Variants in CCDC125 observed in about 807,000 individuals in gnomAD.
CCDC125 encodes coiled-coil domain containing 125, also known as coiled-coil domain-containing protein 125.
CCDC125 carries 43 observed loss-of-function variants against 57.4 expected under a neutral mutation model. The observed-to-expected ratio is 0.75, with a 90% CI of 0.59 to 0.97. The LOEUF (loss-of-function observed/expected upper bound fraction) is 0.97, where lower values mean the gene tolerates loss of function less well. Ranked by LOEUF, CCDC125 falls within the 50% of genes least tolerant of loss-of-function variation. The pLI is 0.00. For synonymous variants in CCDC125, 187 were observed against 195.2 expected (o/e 0.96, Z 0.35); for missense variants, 563 against 595.7 (o/e 0.95, Z 0.57).
intron 10 of CCDC125, among the ~76,000 whole-genome samples, chr5:69,289,262 A>G (rs868412024): frequency 6.6e-6 from 1 of 152,232 alleles, no homozygotes; most frequent in African/African-American, 2.4e-5. Flanking sequence ...TCTGCCTTCA[A>G]TTAGCACAAA....
chr5:69,285,007 G>T (rs1197574075), intron 11 of CCDC125, among the ~76,000 whole-genome samples: 2 of 152,148 alleles, frequency 1.3e-5, no homozygotes, highest in South Asian at 2.1e-4. Context: ...TGAGGCAGGA[G>T]AATTGCTTGA....
rs139850727 is a variant in CCDC125, at chr5:69,282,820, C to T, written c.1445G>A (p.Gly482Asp). 7.4e-6 allele frequency: 12 copies of T among 1,613,800 alleles called. No individual in the cohort carries two copies. Among genetic ancestry groups the T allele is most frequent in the African/African-American group, 1.3e-5 (1 of 74,900 alleles). The change falls in exon 12 of 12, where the codon GGC (glycine) becomes GAC (aspartate). Residue 482 changes from glycine to aspartate, a missense_variant. Transcript: ENST00000396496. ...HSSVCILNSV[G>D]CICSIQHSQI... ...AGAGTGCTGGATTGAACAAATGCAG[C>T]CCACAGAATTTAAAATGCAGACACT...
chr5:69,306,680 T>C (rs1330008492), intron 6 of CCDC125, 137 bp downstream of exon 6: 10 of 1,011,224 alleles, frequency 9.9e-6, no homozygotes, highest in Non-Finnish European at 1.3e-5. Flanking sequence ...CTAACAAAAA[T>C]ATGCGACTAG....
intron 1 of CCDC125, among the ~76,000 whole-genome samples, chr5:69,321,458 T>C (rs1760009461): frequency 6.6e-6 from 1 of 152,218 alleles, no homozygotes; most frequent in Admixed American, 6.5e-5. Context: ...AGAGCATACA[T>C]ACACAAACCT....
At chr5:69,292,826 AT>A (rs947920997) in intron 9 of CCDC125, among the ~76,000 whole-genome samples, 3 of 147,286 alleles carry the variant, frequency 2.0e-5, no homozygotes, top group Non-Finnish European at 3.0e-5. Context: ...CTTTTCTTCT[AT>A]TTTTTTCTTC....
intron 11 of CCDC125, 140 bp downstream of exon 11, chr5:69,285,197 A>T: frequency 1.6e-6 from 1 of 609,136 alleles, no homozygotes; most frequent in Non-Finnish European, 2.7e-6. Context: ...TATCAAAAAG[A>T]TCTCATAATG....
chr5:69,287,263 A>AT (rs11331460), intron 10 of CCDC125, among the ~76,000 whole-genome samples: 71,869 of 140,980 alleles, frequency 0.51, 18,790 homozygotes, highest in Non-Finnish European at 0.58. Context: ...AGATTAATCA[A>AT]TTTTTTTTTT....
chr5:69,315,461 A>C lies in CCDC125; in HGVS notation c.305-1415T>G, dbSNP rs926411267. 4.9e-3 allele frequency among the ~76,000 whole-genome samples: 44 copies of C among 9,010 alleles called. 1 individual carries two copies. The highest frequency in any genetic ancestry group is 8.2e-3 in the African/African-American group (44 of 5,382). 5.9% of individuals were successfully genotyped at this position (9,010 alleles called of 152,430 possible). The stretch of plus-strand genomic sequence containing the variant: ...TCAAAAAAAAAAAACAAAAAAAAAA[A>C]CAAAAAAAAAAAAGGCCAGGTGTGG... On this transcript the variant is annotated intron_variant, in intron 2 of 11. Transcript: ENST00000396496.
Position 69,300,026 on chromosome 5 carries a change from C to T in CCDC125, c.802G>A (p.Ala268Thr), listed in dbSNP as rs1044180444. The T allele has an allele frequency of 6.2e-7, 1 of 1,613,808 alleles. No individual in the cohort carries two copies. The highest frequency in any genetic ancestry group is 8.5e-7 in the Non-Finnish European group (1 of 1,179,678). Residue 268 changes from alanine (A) to threonine (T), a missense_variant, in exon 8 of 12, where the codon GCT becomes ACT. By Grantham distance (58) the Ala-to-Thr change is moderately conservative (BLOSUM62 0). Coordinates refer to ENST00000396496, the MANE Select transcript of CCDC125 (RefSeq NM_176816.5). ...MCCDKSGFAE[A>T]SGLELAVLGA... The stretch of plus-strand genomic sequence containing the variant: ...TGCTTACCTACCTCAAGACCTGAAG[C>T]CTCTGCAAAGCCACTTTTATCACAG...
At chr5:69,325,890 T>A (rs1760680709) in intron 1 of CCDC125, among the ~76,000 whole-genome samples, 1 of 148,406 alleles carries the variant, frequency 6.7e-6, no homozygotes, top group Non-Finnish European at 1.5e-5. Context: ...TTGCTTAGGC[T>A]GAAGTGCAGT....
chr5:69,314,006 T>C lies in CCDC125; in HGVS notation c.345A>G (p.Gln115=), dbSNP rs762994112. The change falls in exon 3 of 12, where the codon CAA becomes CAG. Residue 115 remains glutamine, a synonymous_variant. Coordinates refer to ENST00000396496, the MANE Select transcript of CCDC125 (RefSeq NM_176816.5). ...CTACCTCTAAAGTTTCATTAAGACA[T>C]TGCCTTAATTCTTCATTTGACAATT... ...NSELSNEELR[Q]CLNETLEEVE... 13 of 1,609,886 alleles carry C rather than the reference T, an allele frequency of 8.1e-6. No individual in the cohort carries two copies. Among genetic ancestry groups the C allele is most frequent in the African/African-American group, 2.7e-5 (2 of 74,834 alleles).
intron 1 of CCDC125, chr5:69,323,732 T>A (rs1264419530): frequency 1.3e-5 from 2 of 152,164 alleles, no homozygotes; most frequent in Admixed American, 1.3e-4. Flanking sequence ...AAACTTCTCC[T>A]GGCAAAAATG....
chr5:69,281,020 G>T lies in CCDC125; in HGVS notation c.*1709C>A. ...GTTGCCCAGGCTGGTCTTGAACTCT[G>T]GACTGGTCTGGACTTGAGATTCAGA... On this transcript the variant is annotated 3_prime_UTR_variant, in exon 12 of 12. Transcript: ENST00000396496. 6.6e-6 allele frequency: 1 copy of T among 152,202 alleles called. No homozygotes were observed. The highest frequency in any genetic ancestry group is 1.5e-5 in the Non-Finnish European group (1 of 68,034). The allele number at this position is 152,202 out of a possible 1,614,324, so 9.4% of individuals were successfully genotyped here.
At chr5:69,276,595 A>G (rs1561382767), downstream of CCDC125, 1 of 1,613,928 alleles carries the variant, frequency 6.2e-7, no homozygotes, top group Admixed American at 1.7e-5. Flanking sequence ...CCTGGATGTC[A>G]GCTGCCAAGA....
chr5:69,329,162 C>T (rs929175385), intron 1 of CCDC125, among the ~76,000 whole-genome samples: 3 of 151,802 alleles, frequency 2.0e-5, no homozygotes, highest in African/African-American at 4.8e-5. Flanking sequence ...GATGTGTCAA[C>T]GTTTAGGATT....
rs545080012 is a variant in CCDC125 at position 69,315,519 on chromosome 5, G to A, written c.305-1473C>T. On this transcript the variant is annotated intron_variant, in intron 2 of 11. Transcript: ENST00000396496. ...CACCTGTAATCCTAGCACCTTGGGA[G>A]GCTGAGGAGGGTGGATCATCTGAGA... Among the ~76,000 whole-genome samples, 3 of 146,608 alleles carry A rather than the reference G, an allele frequency of 2.0e-5. No individual in the cohort carries two copies. The South Asian group carries it at 6.6e-4, about 32-fold the overall frequency.
At chr5:69,313,829 A>G in intron 3 of CCDC125, 156 bp downstream of exon 3, 1 of 841,812 alleles carries the variant, frequency 1.2e-6, no homozygotes, top group Non-Finnish European at 2.1e-6. Flanking sequence ...CATGTCGTTG[A>G]ACACCTTGAT....
chr5:69,307,825 T>A, intron 5 of CCDC125, 126 bp downstream of exon 5: 1 of 685,876 alleles, frequency 1.5e-6, no homozygotes, highest in South Asian at 1.7e-5. Context: ...GGGAAGACCA[T>A]CAGAACTGAA....
At chr5:69,298,550 C>T (rs1012337462) in intron 8 of CCDC125, among the ~76,000 whole-genome samples, 5 of 152,156 alleles carry the variant, frequency 3.3e-5, no homozygotes, top group African/African-American at 1.2e-4. Context: ...TCCTGATAAT[C>T]TCCCATGCCT....
Sources: gnomAD v4.1 joint callset for allele counts (sites outside exome capture counted in the v4.1 genomes callset) on GRCh38, gnomAD v4.1.1 for gene constraint, MANE v1.5 for transcripts, NCBI Gene and HGNC (gene_info 2026-07-23, HGNC 2026-07-21) for gene names.